The following UGT1A6 variants were observed in gnomAD, a reference collection of about 807,000 sequenced individuals.
UGT1A6 encodes the protein UDP glucuronosyltransferase family 1 member A6, also known as UDP-glucuronosyltransferase 1A6.
Under a neutral mutation model 44.4 loss-of-function variants are expected in UGT1A6, and 32 were observed. That is an observed-to-expected ratio of 0.72 (90% confidence interval 0.54 to 0.97). The LOEUF is 0.97. UGT1A6 is among the 50% of genes least tolerant of loss of function. The pLI is 0.00. For missense variants in UGT1A6, 685 were observed against 661.9 expected, an observed-to-expected ratio of 1.03 and a Z score of -0.38; for synonymous variants, 238 against 248.5, an observed-to-expected ratio of 0.96 and a Z score of 0.40.
chr2:233,703,750 A>G (rs1269263963), intron 1 of UGT1A6, among the ~76,000 whole-genome samples: 1 of 152,074 alleles, frequency 6.6e-6, no homozygotes, highest in Non-Finnish European at 1.5e-5. Flanking sequence ...TAAATCTCAA[A>G]TGTATCTTCT....
chr2:233,764,999 A>G (rs984767809), intron 1 of UGT1A6, among the ~76,000 whole-genome samples: 8 of 151,978 alleles, frequency 5.3e-5, no homozygotes, highest in Admixed American at 1.3e-4. Flanking sequence ...TTTCCTGGTC[A>G]TGTTCCAAAT....
Position 233,693,738 on chromosome 2 carries a change from C to A in UGT1A6, c.734C>A (p.Thr245Asn). ...CTCAAGAGAGATGTGGATATAATCA[C>A]CTTATATCAGAAGGTCTCTGTTTGG... ...AVLKRDVDII[T>N]LYQKVSVWLL... is the part of the protein sequence containing the mutation. The change falls in exon 1 of 5, where the codon ACC becomes AAC. Residue 245 changes from threonine (T) to asparagine (N), a missense_variant. Physicochemically the swap from Thr to Asn is moderately conservative, Grantham distance 65. Transcript: ENST00000305139. 1.2e-6 allele frequency: 2 copies of A among 1,614,170 alleles called. No homozygotes were observed. Among genetic ancestry groups the A allele is most frequent in the South Asian group, 2.2e-5 (2 of 91,084 alleles).
chr2:233,756,867 A>G (rs1696345669), intron 1 of UGT1A6, among the ~76,000 whole-genome samples: 1 of 152,076 alleles, frequency 6.6e-6, no homozygotes, highest in African/African-American at 2.4e-5. Flanking sequence ...CATAAAGGGT[A>G]TTAGGTGTAA....
intron 1 of UGT1A6, among the ~76,000 whole-genome samples, chr2:233,722,376 A>C (rs969132963): frequency 2.1e-4 from 32 of 152,346 alleles, no homozygotes; most frequent in African/African-American, 7.5e-4. Context: ...TTGAAATCTT[A>C]CGTTTCTTCT....
rs747907611 is a variant in UGT1A6 at position 233,695,435 on chromosome 2, CTTT to C, written c.861+1578_861+1580del. Among the ~76,000 whole-genome samples the C allele has an allele frequency of 1.2e-4, 16 of 130,504 alleles. No individual in the cohort carries two copies. The South Asian group carries it at 1.3e-3, about 11-fold the overall frequency. 85.6% of individuals were successfully genotyped at this position (130,504 alleles called of 152,430 possible). Reference sequence around the variant, plus strand: ...TACCGCGCCCGGCCTTCTTCTTCTTCTTTTTTTTTTGATCAACGTGCTTTATTG... The same window carrying C: ...TACCGCGCCCGGCCTTCTTCTTCTTCTTTTTTTGATCAACGTGCTTTATTG... On this transcript the variant is annotated intron_variant, in intron 1 of 4. Coordinates refer to ENST00000305139, the MANE Select transcript of UGT1A6 (RefSeq NM_001072.4).
Position 233,747,767 on chromosome 2 carries a change from A to G in UGT1A6, c.862-19267A>G, listed in dbSNP as rs1240243146. 273 of 1,613,386 alleles carry G rather than the reference A, an allele frequency of 1.7e-4. 1 individual carries two copies. The South Asian group carries it at 2.9e-3, about 17-fold the overall frequency. On this transcript the variant is annotated intron_variant, in intron 1 of 4. Coordinates refer to ENST00000305139, the MANE Select transcript of UGT1A6 (RefSeq NM_001072.4). ...CATGTGATTTAGACTTTAAGGGCAC[A>G]CAGTGTCCAAATCCTTCCTCCTATA... is the stretch of plus-strand genomic sequence containing the variant.
At chr2:233,702,203 T>C (rs1322988594) in intron 1 of UGT1A6, among the ~76,000 whole-genome samples, 1 of 152,208 alleles carries the variant, frequency 6.6e-6, no homozygotes, top group Non-Finnish European at 1.5e-5. Context: ...TGGCAGCCAT[T>C]AATCAACTTT....
chr2:233,728,753 T>G (rs1294725460), intron 1 of UGT1A6, among the ~76,000 whole-genome samples: 2 of 152,174 alleles, frequency 1.3e-5, no homozygotes, highest in Non-Finnish European at 2.9e-5. Context: ...CAATGGTGAC[T>G]CCTCAGACCT....
chr2:233,724,238 G>A (rs2077193848), intron 1 of UGT1A6, among the ~76,000 whole-genome samples: 1 of 129,762 alleles, frequency 7.7e-6, no homozygotes, highest in African/African-American at 3.0e-5. Context: ...GGGGCGGCCG[G>A]GCAGAGGCGC....
chr2:233,736,812 A>G (rs2078811468), intron 1 of UGT1A6, among the ~76,000 whole-genome samples: 1 of 152,062 alleles, frequency 6.6e-6, no homozygotes, highest in South Asian at 2.1e-4. Context: ...CTGGAGGTCC[A>G]CTCCAGATGC....
chr2:233,706,134 A>C (rs1160537015), intron 1 of UGT1A6, among the ~76,000 whole-genome samples: 3 of 152,196 alleles, frequency 2.0e-5, no homozygotes, highest in Non-Finnish European at 4.4e-5. Context: ...ACAGCAAAGT[A>C]TTAAACAAAG....
At chr2:233,729,344 A>G in intron 1 of UGT1A6, 1 of 1,614,144 alleles carries the variant, frequency 6.2e-7, no homozygotes, top group Non-Finnish European at 8.5e-7. Flanking sequence ...AAAGAAGAGA[A>G]CTTTTTCACC....
chr2:233,748,080 G>T, intron 1 of UGT1A6: 3 of 1,613,126 alleles, frequency 1.9e-6, no homozygotes, highest in South Asian at 2.2e-5. Flanking sequence ...ACTATCTCAG[G>T]TCGGTGTTCG....
At chr2:233,707,760 G>C (rs2075985712) in intron 1 of UGT1A6, among the ~76,000 whole-genome samples, 1 of 152,188 alleles carries the variant, frequency 6.6e-6, no homozygotes, top group Non-Finnish European at 1.5e-5. Context: ...AAACACATGT[G>C]AGTGGGTTTT....
intron 1 of UGT1A6, among the ~76,000 whole-genome samples, chr2:233,726,689 C>T (rs1298047788): frequency 2.0e-5 from 3 of 152,182 alleles, no homozygotes; most frequent in Non-Finnish European, 2.9e-5. Flanking sequence ...CCACCTGTAA[C>T]GGAACATATT....
At chr2:233,728,607 C>G (rs868048236) in intron 1 of UGT1A6, among the ~76,000 whole-genome samples, 1 of 152,210 alleles carries the variant, frequency 6.6e-6, no homozygotes, top group South Asian at 2.1e-4. Flanking sequence ...CCAGCCTCCA[C>G]GCTGTTCAGA....
chr2:233,740,186 C>T (rs1343042773), intron 1 of UGT1A6, among the ~76,000 whole-genome samples: 1 of 151,760 alleles, frequency 6.6e-6, no homozygotes, highest in Non-Finnish European at 1.5e-5. Flanking sequence ...TCAATTAAAC[C>T]TCTTTCTTTT....
Position 233,748,244 on chromosome 2 carries a change from G to A in UGT1A6, c.862-18790G>A, listed in dbSNP as rs181996074. Among the ~76,000 whole-genome samples the A allele has an allele frequency of 5.8e-4, 88 of 151,858 alleles. 1 individual carries two copies. Among genetic ancestry groups the A allele is most frequent in the African/African-American group, 1.9e-3 (79 of 41,160 alleles). ...AAACTGTTAAGGGGTCTCTAGTAGCGTATTTCAGGTTTTAAATGGTCAATG... is the reference window on the plus strand; with the variant it reads ...AAACTGTTAAGGGGTCTCTAGTAGCATATTTCAGGTTTTAAATGGTCAATG... On this transcript the variant is annotated intron_variant, in intron 1 of 4. Transcript: ENST00000305139.
At chr2:233,748,817 G>A (rs1468052595) in intron 1 of UGT1A6, among the ~76,000 whole-genome samples, 2 of 151,366 alleles carry the variant, frequency 1.3e-5, no homozygotes, top group Non-Finnish European at 2.9e-5. Context: ...AATTGTGGAA[G>A]GGTCTAGGGA....
Sources: gnomAD v4.1 joint callset for allele counts (sites outside exome capture counted in the v4.1 genomes callset) on GRCh38, gnomAD v4.1.1 for gene constraint, MANE v1.5 for transcripts, NCBI Gene and HGNC (gene_info 2026-07-23, HGNC 2026-07-21) for gene names.